Variants in CYSTM1 observed in about 807,000 individuals in gnomAD.
The protein encoded by CYSTM1 is cysteine-rich transmembrane module-containing protein 1.
CYSTM1 carries 4 observed loss-of-function variants against 13.1 expected under a neutral mutation model. The observed-to-expected ratio is 0.31, with a 90% confidence interval of 0.15 to 0.70. CYSTM1 has a LOEUF of 0.70. Ranked by LOEUF, CYSTM1 falls within the 30% of genes least tolerant of loss-of-function variation. The probability of loss-of-function intolerance (pLI) is 0.72; values close to 1 mark genes in which losing one functional copy is unlikely to be tolerated. For missense variants in CYSTM1, 96 were observed against 121.6 expected (o/e 0.79, Z 0.99); for synonymous variants, 36 against 42.7 (o/e 0.84, Z 0.62).
Position 140,213,785 on chromosome 5 carries a change from C to A in CYSTM1, c.187+19133C>A, listed in dbSNP as rs551040507. On this transcript the variant is annotated intron_variant, in intron 2 of 2. Transcript: ENST00000261811. ...AGGAGCAATAGGTGATAGTATATAT[C>A]CTAGGTGTACAGTAGGCTATACCAC... is the stretch of plus-strand genomic sequence containing the variant. Among the ~76,000 whole-genome samples the A allele has an allele frequency of 9.5e-4, 144 of 152,262 alleles. 1 individual carries two copies. Among genetic ancestry groups the A allele is most frequent in the African/African-American group, 3.4e-3 (141 of 41,556 alleles).
At chr5:140,182,935 T>C (rs1283846517) in intron 1 of CYSTM1, among the ~76,000 whole-genome samples, 1 of 152,214 alleles carries the variant, frequency 6.6e-6, no homozygotes, top group Non-Finnish European at 1.5e-5. Context: ...CAGTGCTGAC[T>C]GAGCTGCTGC....
chr5:140,195,869 A>G (rs573151569), intron 2 of CYSTM1, among the ~76,000 whole-genome samples: 1 of 151,602 alleles, frequency 6.6e-6, no homozygotes, highest in African/African-American at 2.4e-5. Flanking sequence ...ACATGGTGAA[A>G]CCCCGTCTCT....
At chr5:140,186,115 G>C (rs1764012879) in intron 1 of CYSTM1, among the ~76,000 whole-genome samples, 1 of 148,766 alleles carries the variant, frequency 6.7e-6, no homozygotes, top group Non-Finnish European at 1.5e-5. Context: ...ATACTGAAGG[G>C]GAGGAGCAAG....
chr5:140,188,432 T>G (rs1764048964), intron 1 of CYSTM1, among the ~76,000 whole-genome samples: 2 of 152,176 alleles, frequency 1.3e-5, no homozygotes. Flanking sequence ...CATGGATATA[T>G]ATCTGAAAGC....
intron 2 of CYSTM1, among the ~76,000 whole-genome samples, chr5:140,195,551 C>T (rs1333971591): frequency 6.6e-6 from 1 of 150,474 alleles, no homozygotes; most frequent in Non-Finnish European, 1.5e-5. Context: ...ACGCCGTTCT[C>T]CTGCCTCAGC....
At chr5:140,216,665 T>C (rs1764431159) in intron 2 of CYSTM1, among the ~76,000 whole-genome samples, 1 of 152,210 alleles carries the variant, frequency 6.6e-6, no homozygotes, top group Non-Finnish European at 1.5e-5. Context: ...GCTGCCTGTA[T>C]GCTATCAGGG....
At chr5:140,232,507 A>G (rs2053057) in intron 2 of CYSTM1, among the ~76,000 whole-genome samples, 36,199 of 152,118 alleles carry the variant, frequency 0.24, 4,630 homozygotes, top group South Asian at 0.46. Flanking sequence ...AGCTGAGTGA[A>G]GATGTATTGG....
At chr5:140,180,357 A>T (rs1763949283) in intron 1 of CYSTM1, among the ~76,000 whole-genome samples, 1 of 152,118 alleles carries the variant, frequency 6.6e-6, no homozygotes, top group Non-Finnish European at 1.5e-5. Context: ...GCTCTCTCTC[A>T]TGAGGGAAAT....
chr5:140,216,662 G>A (rs1052454928), intron 2 of CYSTM1, among the ~76,000 whole-genome samples: 2 of 152,196 alleles, frequency 1.3e-5, no homozygotes, highest in African/African-American at 4.8e-5. Flanking sequence ...CTTGCTGCCT[G>A]TATGCTATCA....
At chr5:140,232,215 A>G (rs540347347) in intron 2 of CYSTM1, among the ~76,000 whole-genome samples, 1 of 152,366 alleles carries the variant, frequency 6.6e-6, no homozygotes, top group African/African-American at 2.4e-5. Flanking sequence ...AAACTGAGTT[A>G]GTTTGAGGTT....
chr5:140,211,682 C>G (rs1764369904), intron 2 of CYSTM1, among the ~76,000 whole-genome samples: 1 of 152,298 alleles, frequency 6.6e-6, no homozygotes, highest in East Asian at 1.9e-4. Context: ...TGCAGTGGCT[C>G]ACGCCTGTAA....
chr5:140,214,151 G>C (rs1764402152), intron 2 of CYSTM1, among the ~76,000 whole-genome samples: 1 of 152,160 alleles, frequency 6.6e-6, no homozygotes, highest in South Asian at 2.1e-4. Flanking sequence ...TAACTTGACA[G>C]ACCTACTCAG....
chr5:140,209,222 T>C (rs1474156907), intron 2 of CYSTM1, among the ~76,000 whole-genome samples: 1 of 151,818 alleles, frequency 6.6e-6, no homozygotes, highest in East Asian at 1.9e-4. Context: ...GTGGTTAAAC[T>C]CTGGGCTTGA....
intron 2 of CYSTM1, among the ~76,000 whole-genome samples, chr5:140,203,372 A>G (rs1184316417): frequency 6.6e-6 from 1 of 152,216 alleles, no homozygotes; most frequent in Non-Finnish European, 1.5e-5. Flanking sequence ...CTCAGAAGTC[A>G]CACAATGTCA....
In CYSTM1 at chr5:140,243,459, G is replaced by T; in HGVS notation, c.*48G>T. 2 of 1,540,708 alleles carry T rather than the reference G, an allele frequency of 1.3e-6. No homozygotes were observed. The highest frequency in any genetic ancestry group is 1.1e-5 in the South Asian group (1 of 88,714). ...TCCTGCCAGCTCTGCTGCCACCTCT[G>T]ACAGGTGTGCCTGCCCCCATCTCTT... On this transcript the variant is annotated 3_prime_UTR_variant, in exon 3 of 3. Coordinates refer to ENST00000261811, the MANE Select transcript of CYSTM1 (RefSeq NM_032412.4).
chr5:140,178,624 A>G (rs544864018), intron 1 of CYSTM1, among the ~76,000 whole-genome samples: 7 of 150,966 alleles, frequency 4.6e-5, no homozygotes, highest in Admixed American at 2.0e-4. Flanking sequence ...TTTTTGAGAC[A>G]GGTTCTGGCT....
In CYSTM1 at chr5:140,230,625, A is replaced by G. The variant is rs1764608573; in HGVS notation, c.188-12680A>G. On this transcript the variant is annotated intron_variant, in intron 2 of 2. Coordinates refer to ENST00000261811, the MANE Select transcript of CYSTM1 (RefSeq NM_032412.4). This position sits in a 1 kb window ranked among gnomAD's most constrained non-coding sequence, Gnocchi z 4.1. The stretch of plus-strand genomic sequence containing the variant: ...CATCATCAGCAGGCTCATTCTGTCC[A>G]AACTCCAGCTGGCCATATTGGTTCT... Among the ~76,000 whole-genome samples the G allele has an allele frequency of 6.6e-6, 1 of 152,212 alleles. No homozygotes were observed. The highest frequency in any genetic ancestry group is 2.4e-5 in the African/African-American group (1 of 41,448).
intron 2 of CYSTM1, among the ~76,000 whole-genome samples, chr5:140,231,532 A>G (rs1340216756): frequency 1.3e-5 from 2 of 152,236 alleles, no homozygotes; most frequent in Non-Finnish European, 2.9e-5. Flanking sequence ...AGGGAACCAG[A>G]CATTAAATAA....
intron 2 of CYSTM1, among the ~76,000 whole-genome samples, chr5:140,240,832 C>T (rs780823155): frequency 2.6e-5 from 4 of 152,114 alleles, no homozygotes; most frequent in African/African-American, 7.2e-5. Flanking sequence ...GCAAGGAAAA[C>T]GCAGGTCACT....
Sources: gnomAD v4.1 joint callset for allele counts (sites outside exome capture counted in the v4.1 genomes callset) on GRCh38, gnomAD v4.1.1 for gene constraint, Gnocchi (gnomAD v3.1) non-coding constraint, MANE v1.5 for transcripts, NCBI Gene and HGNC (gene_info 2026-07-23, HGNC 2026-07-21) for gene names.